The following SLC35F1 variants were observed in gnomAD, a reference collection of about 807,000 sequenced individuals.
SLC35F1 encodes the protein chromosome 6 open reading frame 169.
A neutral mutation model predicts 48.7 loss-of-function variants in SLC35F1; 14 were observed. The observed-to-expected ratio is 0.29, with a 90% CI of 0.19 to 0.45. SLC35F1 has a LOEUF of 0.45. Ranked by LOEUF, SLC35F1 falls within the 20% of genes least tolerant of loss-of-function variation. The pLI, the probability that SLC35F1 is intolerant of heterozygous loss-of-function variation, is 1.00. For missense variants in SLC35F1, 404 were observed against 500.0 expected (o/e 0.81, Z 1.83); for synonymous variants, 190 against 202.2 (o/e 0.94, Z 0.51).
intron 1 of SLC35F1, among the ~76,000 whole-genome samples, chr6:117,938,387 G>A (rs1776186361): frequency 6.6e-6 from 1 of 152,132 alleles, no homozygotes. Context: ...CTCACTATTC[G>A]AAACCTTGAT....
intron 1 of SLC35F1, among the ~76,000 whole-genome samples, chr6:118,118,615 C>G (rs76502144): frequency 0.33 from 49,872 of 152,062 alleles, 9,236 homozygotes; most frequent in Non-Finnish European, 0.43. Flanking sequence ...TGAGACATCT[C>G]TTCAGATCTT....
chr6:118,202,839 G>C (rs138393337), intron 2 of SLC35F1, among the ~76,000 whole-genome samples: 1 of 152,328 alleles, frequency 6.6e-6, no homozygotes, highest in Non-Finnish European at 1.5e-5. Flanking sequence ...ATCAGGGAAG[G>C]CCTCTCCGAG....
chr6:118,054,235 A>C (rs1023852083), intron 1 of SLC35F1, among the ~76,000 whole-genome samples: 6 of 152,202 alleles, frequency 3.9e-5, no homozygotes, highest in African/African-American at 9.7e-5. Context: ...TGGGCAGAAG[A>C]AGCACTTTGT....
intron 1 of SLC35F1, among the ~76,000 whole-genome samples, chr6:118,087,738 A>G (rs932232346): frequency 7.2e-5 from 11 of 152,086 alleles, no homozygotes; most frequent in Non-Finnish European, 1.5e-4. Flanking sequence ...GATACCACCT[A>G]CTGTTTTCCT....
At chr6:117,968,530 G>C (rs912717446) in intron 1 of SLC35F1, among the ~76,000 whole-genome samples, 4 of 152,126 alleles carry the variant, frequency 2.6e-5, no homozygotes, top group Admixed American at 2.6e-4. Flanking sequence ...CCAATATTTC[G>C]TTGCAACTAT....
chr6:118,122,246 GA>G (rs59588804), intron 1 of SLC35F1, among the ~76,000 whole-genome samples: 4,901 of 140,464 alleles, frequency 0.035, 156 homozygotes, highest in African/African-American at 0.082. Flanking sequence ...GTTCTACTCA[GA>G]AAAAAAAAAA....
At chr6:118,006,898 T>C (rs1279482363) in intron 1 of SLC35F1, among the ~76,000 whole-genome samples, 1 of 152,144 alleles carries the variant, frequency 6.6e-6, no homozygotes, top group African/African-American at 2.4e-5. Flanking sequence ...ATGCTACATG[T>C]GTGTAAATGT....
chr6:118,071,973 C>G (rs1203983345), intron 1 of SLC35F1, among the ~76,000 whole-genome samples: 1 of 152,156 alleles, frequency 6.6e-6, no homozygotes, highest in East Asian at 1.9e-4. Context: ...TATCCTTTAG[C>G]TCCGGAATAT....
At chr6:118,002,731 A>G (rs1777120685) in intron 1 of SLC35F1, among the ~76,000 whole-genome samples, 1 of 151,960 alleles carries the variant, frequency 6.6e-6, no homozygotes, top group South Asian at 2.1e-4. Context: ...ATTTTCAGAC[A>G]TATGCAAAAA....
At chr6:117,938,909 T>C (rs1776193574) in intron 1 of SLC35F1, among the ~76,000 whole-genome samples, 1 of 151,902 alleles carries the variant, frequency 6.6e-6, no homozygotes, top group African/African-American at 2.4e-5. Flanking sequence ...AATAATTTTG[T>C]TTTACAGGCA....
At chr6:118,008,661 C>T (rs1777206281) in intron 1 of SLC35F1, among the ~76,000 whole-genome samples, 2 of 152,130 alleles carry the variant, frequency 1.3e-5, no homozygotes, top group Admixed American at 1.3e-4. Context: ...AGAACCTTTT[C>T]TGGAATTTAC....
chr6:118,095,538 C>G (rs1026101522), intron 1 of SLC35F1, among the ~76,000 whole-genome samples: 12 of 152,056 alleles, frequency 7.9e-5, no homozygotes, highest in African/African-American at 2.4e-4. Flanking sequence ...ATTAGACAAA[C>G]AGCTGTAGGA....
At chr6:118,053,457 A>G (rs1356487788) in intron 1 of SLC35F1, among the ~76,000 whole-genome samples, 1 of 152,214 alleles carries the variant, frequency 6.6e-6, no homozygotes, top group Admixed American at 6.5e-5. Context: ...TTGTAAAAAT[A>G]GTATTATAAC....
At chr6:118,083,580 T>C (rs1772942967) in intron 1 of SLC35F1, among the ~76,000 whole-genome samples, 1 of 152,184 alleles carries the variant, frequency 6.6e-6, no homozygotes, top group African/African-American at 2.4e-5. Flanking sequence ...GAATCCTTTT[T>C]TACTAAATCC....
At chr6:118,229,984 C>T (rs1178711118) in intron 2 of SLC35F1, among the ~76,000 whole-genome samples, 2 of 152,164 alleles carry the variant, frequency 1.3e-5, no homozygotes, top group Non-Finnish European at 2.9e-5. Context: ...CCATACTCTA[C>T]AGTCCTTTAA....
At chr6:118,288,547 G>A (rs1776079325) in intron 7 of SLC35F1, among the ~76,000 whole-genome samples, 1 of 152,226 alleles carries the variant, frequency 6.6e-6, no homozygotes, top group Non-Finnish European at 1.5e-5. Flanking sequence ...ATAAGGGGTT[G>A]TGAAGACTGG....
chr6:118,106,089 C>A (rs180817005), intron 1 of SLC35F1, among the ~76,000 whole-genome samples: 1 of 152,240 alleles, frequency 6.6e-6, no homozygotes, highest in Admixed American at 6.5e-5. Context: ...ATCAAGCCTG[C>A]AACTAAGTAT....
chr6:118,054,552 C>T (rs768935282), intron 1 of SLC35F1, among the ~76,000 whole-genome samples: 6 of 152,138 alleles, frequency 3.9e-5, no homozygotes, highest in African/African-American at 1.4e-4. Flanking sequence ...CTTGTATTCT[C>T]TATATGCCAT....
chr6:118,277,558 G>GCTCACAT lies in SLC35F1; in HGVS notation c.847+13_847+19dup. On this transcript the variant is annotated intron_variant, in intron 6 of 7. Coordinates refer to ENST00000360388, the MANE Select transcript of SLC35F1 (RefSeq NM_001029858.4). ...GGACTGGCAAATAGGTAAGGAGTTG[G>GCTCACAT]CTCACATACGATGCTCTTTTTATAA... 6.2e-7 allele frequency: 1 copy of GCTCACAT among 1,612,366 alleles called. No individual in the cohort carries two copies. Among genetic ancestry groups the GCTCACAT allele is most frequent in the South Asian group, 1.1e-5 (1 of 91,030 alleles).
Sources: allele counts gnomAD v4.1 joint callset (sites outside exome capture counted in the v4.1 genomes callset), GRCh38; gene constraint gnomAD v4.1.1; transcripts MANE v1.5; gene names NCBI Gene and HGNC (gene_info 2026-07-23, HGNC 2026-07-21).